Variants in CAMK4 observed in about 807,000 individuals in gnomAD.
CAMK4 encodes calcium/calmodulin-dependent protein kinase type IV.
In CAMK4, 22 loss-of-function variants were observed where a neutral mutation model predicts 44.9. The ratio of observed to expected loss-of-function variants is 0.49; its 90% CI spans 0.35 to 0.70. The LOEUF is 0.70. Among genes scored for constraint, CAMK4 ranks in the 30% least tolerant of loss-of-function variants. The probability of loss-of-function intolerance (pLI) is 0.01; values close to 1 mark genes in which losing one functional copy is unlikely to be tolerated. For synonymous variants in CAMK4, 218 were observed against 215.4 expected (o/e 1.01, Z -0.11); for missense variants, 498 against 586.8 (o/e 0.85, Z 1.56).
At chr5:111,251,415 A>G (rs1474433006) in intron 1 of CAMK4, among the ~76,000 whole-genome samples, 4 of 152,218 alleles carry the variant, frequency 2.6e-5, no homozygotes, top group African/African-American at 7.2e-5. Context: ...TTAGAAATAT[A>G]CAAGTGTATT....
intron 7 of CAMK4, among the ~76,000 whole-genome samples, chr5:111,451,952 C>G (rs964180861): frequency 6.6e-6 from 1 of 152,204 alleles, no homozygotes; most frequent in African/African-American, 2.4e-5. Context: ...ATCCAAATAA[C>G]TATACTCAAT....
intron 5 of CAMK4, among the ~76,000 whole-genome samples, chr5:111,418,089 C>T (rs866213388): frequency 3.3e-5 from 5 of 152,122 alleles, no homozygotes; most frequent in South Asian, 2.1e-4. Flanking sequence ...CCCATATTCA[C>T]GTAGGTTCTT....
intron 1 of CAMK4, among the ~76,000 whole-genome samples, chr5:111,333,965 C>T (rs572507137): frequency 1.3e-5 from 2 of 151,496 alleles, no homozygotes; most frequent in Admixed American, 1.3e-4. Context: ...ACGTAAGGCA[C>T]CAAGTAGGAG....
chr5:111,341,931 G>A (rs190465942), intron 1 of CAMK4, among the ~76,000 whole-genome samples: 22 of 151,442 alleles, frequency 1.5e-4, no homozygotes, highest in Admixed American at 2.6e-4. Context: ...TCTTTATTTC[G>A]TTTGCAACTT....
At chr5:111,435,296 A>G (rs1349944110) in intron 5 of CAMK4, among the ~76,000 whole-genome samples, 2 of 152,098 alleles carry the variant, frequency 1.3e-5, no homozygotes, top group Non-Finnish European at 2.9e-5. Flanking sequence ...ACTCTTTGTC[A>G]TGTTTGACAT....
intron 5 of CAMK4, among the ~76,000 whole-genome samples, chr5:111,414,065 T>G (rs892054296): frequency 1.3e-5 from 2 of 152,196 alleles, no homozygotes; most frequent in African/African-American, 4.8e-5. Context: ...GAAGCAAATT[T>G]GTAACTTTGA....
chr5:111,430,917 A>G (rs1391009949), intron 5 of CAMK4, among the ~76,000 whole-genome samples: 1 of 152,196 alleles, frequency 6.6e-6, no homozygotes, highest in East Asian at 1.9e-4. Context: ...CTATCAAAAT[A>G]CAAATGACAT....
intron 1 of CAMK4, among the ~76,000 whole-genome samples, chr5:111,293,742 CTTTTTTTTTT>C (rs35117453): frequency 1.2e-5 from 1 of 83,538 alleles, no homozygotes; most frequent in Non-Finnish European, 2.2e-5. Flanking sequence ...TGCTGCTCTA[CTTTTTTTTTT>C]TTTTTTTTTT....
At position 111,412,354 on chromosome 5, in the gene CAMK4, C is replaced by T. The variant is rs76598785; in HGVS notation, c.459+17572C>T. 3.6e-4 allele frequency among the ~76,000 whole-genome samples: 55 copies of T among 152,286 alleles called. No individual in the cohort carries two copies. In the East Asian group the frequency reaches 8.5e-3, roughly 24 times the overall value. The stretch of plus-strand genomic sequence containing the variant: ...CTTTTTCATGCAAAAATAAAAGACT[C>T]CATGTCTCATTTTAGTCAAAACTGA... On this transcript the variant is annotated intron_variant, in intron 5 of 10. Transcript: ENST00000282356.
chr5:111,351,513 C>T (rs1025013677), intron 2 of CAMK4, among the ~76,000 whole-genome samples: 32 of 151,456 alleles, frequency 2.1e-4, no homozygotes, highest in African/African-American at 6.3e-4. Flanking sequence ...TCAAGCGATT[C>T]TCCTGCCTCA....
At chr5:111,240,033 C>T (rs994445525) in intron 1 of CAMK4, among the ~76,000 whole-genome samples, 3 of 152,134 alleles carry the variant, frequency 2.0e-5, no homozygotes, top group Admixed American at 6.5e-5. Context: ...TCCACATCTG[C>T]AGACAAAAGG....
chr5:111,482,325 A>G lies in CAMK4; in HGVS notation c.829-460A>G, dbSNP rs371980082. ...AGATAGAAACATAAGGTAGTATTCC[A>G]TAAGTTCTGGGATACTCTCCCTTTT... On this transcript the variant is annotated intron_variant, in intron 9 of 10. Transcript: ENST00000282356. This position sits in a 1 kb window ranked among gnomAD's most constrained non-coding sequence, Gnocchi z 4.9. 6.6e-6 allele frequency: 1 copy of G among 152,628 alleles called. No individual in the cohort carries two copies. Among genetic ancestry groups the G allele is most frequent in the Non-Finnish European group, 1.5e-5 (1 of 68,368 alleles). 9.5% of individuals were successfully genotyped at this position (152,628 alleles called of 1,614,324 possible).
At chr5:111,302,842 C>G (rs1747792214) in intron 1 of CAMK4, among the ~76,000 whole-genome samples, 1 of 37,420 alleles carries the variant, frequency 2.7e-5, no homozygotes, top group East Asian at 5.9e-4. Context: ...CTTAAGTGTC[C>G]CTGTCTGACA....
intron 1 of CAMK4, among the ~76,000 whole-genome samples, chr5:111,324,432 G>C (rs1748790458): frequency 2.0e-5 from 3 of 151,922 alleles, no homozygotes; most frequent in Admixed American, 6.6e-5. Flanking sequence ...GCTATTTTTA[G>C]TATGATGGAA....
At chr5:111,437,069 A>C (rs1753671539) in intron 5 of CAMK4, among the ~76,000 whole-genome samples, 1 of 152,194 alleles carries the variant, frequency 6.6e-6, no homozygotes, top group Non-Finnish European at 1.5e-5. Flanking sequence ...CAAAGTGACA[A>C]GGTAAATCTC....
At chr5:111,318,637 T>C (rs1748533723) in intron 1 of CAMK4, among the ~76,000 whole-genome samples, 1 of 152,146 alleles carries the variant, frequency 6.6e-6, no homozygotes, top group Admixed American at 6.6e-5. Context: ...CACTTCTAAT[T>C]CTAGGAATGT....
At chr5:111,461,235 C>T (rs1234776083) in intron 7 of CAMK4, among the ~76,000 whole-genome samples, 1 of 152,186 alleles carries the variant, frequency 6.6e-6, no homozygotes. Context: ...CAGTCCTTCT[C>T]AACCTTTCAG....
rs569611238 is a variant in CAMK4, at chr5:111,271,680, G to C, written c.161+47036G>C. Reference sequence around the variant, plus strand: ...ACTATGCAAGTAAATTCATAGAAAAGTATAGAATTACCAAATATTTGGCAA... The same window carrying C: ...ACTATGCAAGTAAATTCATAGAAAACTATAGAATTACCAAATATTTGGCAA... On this transcript the variant is annotated intron_variant, in intron 1 of 10. Transcript: ENST00000282356. 2.0e-5 allele frequency among the ~76,000 whole-genome samples: 3 copies of C among 152,248 alleles called. 1 individual carries two copies. In the South Asian group the frequency reaches 6.2e-4, roughly 32 times the overall value.
chr5:111,263,397 A>G (rs1393000877), intron 1 of CAMK4, among the ~76,000 whole-genome samples: 3 of 152,202 alleles, frequency 2.0e-5, no homozygotes, highest in Non-Finnish European at 4.4e-5. Context: ...GTTAAGGGAC[A>G]ATAAATAATT....
Sources: allele counts gnomAD v4.1 joint callset (sites outside exome capture counted in the v4.1 genomes callset), GRCh38; gene constraint gnomAD v4.1.1; non-coding constraint Gnocchi (gnomAD v3.1); transcripts MANE v1.5; gene names NCBI Gene and HGNC (gene_info 2026-07-23, HGNC 2026-07-21).